The following BRINP3 variants were observed in gnomAD, a reference collection of about 807,000 sequenced individuals.
BRINP3 encodes BMP/retinoic acid inducible neural specific 3.
BRINP3 carries 19 observed loss-of-function variants against 71.0 expected under a neutral mutation model. That is an observed-to-expected ratio of 0.27 (90% confidence interval 0.19 to 0.39). The LOEUF is 0.39. Among genes scored for constraint, BRINP3 ranks in the 10% least tolerant of loss-of-function variants. BRINP3 has a pLI of 1.00. For synonymous variants in BRINP3, 380 were observed against 337.7 expected, an observed-to-expected ratio of 1.13 and a Z score of -1.37; for missense variants, 959 against 940.8, an observed-to-expected ratio of 1.02 and a Z score of -0.25.
At chr1:190,335,113 A>G (rs1010901738) in intron 2 of BRINP3, among the ~76,000 whole-genome samples, 1 of 151,886 alleles carries the variant, frequency 6.6e-6, no homozygotes, top group Non-Finnish European at 1.5e-5. Flanking sequence ...GTACTGGGAA[A>G]GCAGGGAGAA....
chr1:190,306,520 G>T lies in BRINP3; in HGVS notation c.237-24770C>A, dbSNP rs141860837. On this transcript the variant is annotated intron_variant, in intron 2 of 7. Coordinates refer to ENST00000367462, the MANE Select transcript of BRINP3 (RefSeq NM_199051.3). The stretch of plus-strand genomic sequence containing the variant: ...TGTATATTACCTCTTCAAGGTAATA[G>T]AATTATTTGTTGAATTAAAGACTAA... 2.7e-3 allele frequency among the ~76,000 whole-genome samples: 415 copies of T among 151,976 alleles called. 2 individuals carry two copies. Among genetic ancestry groups the T allele is most frequent in the African/African-American group, 9.4e-3 (391 of 41,484 alleles).
At chr1:190,159,216 T>C (rs1285071855) in intron 7 of BRINP3, among the ~76,000 whole-genome samples, 1 of 152,074 alleles carries the variant, frequency 6.6e-6, no homozygotes, top group East Asian at 1.9e-4. Context: ...TGATACAAAA[T>C]CACAAGTGTT....
chr1:190,116,084 G>C (rs547222632), intron 7 of BRINP3, among the ~76,000 whole-genome samples: 1 of 152,110 alleles, frequency 6.6e-6, no homozygotes, highest in Non-Finnish European at 1.5e-5. Context: ...GAGGAAAAAT[G>C]AAGTTGTTTC....
At chr1:190,153,823 C>T (rs954862409) in intron 7 of BRINP3, among the ~76,000 whole-genome samples, 1 of 152,134 alleles carries the variant, frequency 6.6e-6, no homozygotes, top group Non-Finnish European at 1.5e-5. Flanking sequence ...ATCACAACAG[C>T]CTGAGCAACA....
chr1:190,130,405 T>C (rs1205561558), intron 7 of BRINP3, among the ~76,000 whole-genome samples: 1 of 152,024 alleles, frequency 6.6e-6, no homozygotes, highest in Non-Finnish European at 1.5e-5. Context: ...AGATTTCATA[T>C]CTTTAAAACT....
At chr1:190,134,578 A>G (rs1345288465) in intron 7 of BRINP3, among the ~76,000 whole-genome samples, 1 of 152,100 alleles carries the variant, frequency 6.6e-6, no homozygotes, top group Non-Finnish European at 1.5e-5. Flanking sequence ...AATTATTCTG[A>G]GCAGTGATGG....
intron 2 of BRINP3, among the ~76,000 whole-genome samples, chr1:190,329,553 C>T (rs1331743798): frequency 2.0e-5 from 3 of 151,804 alleles, no homozygotes; most frequent in African/African-American, 7.3e-5. Flanking sequence ...AATGAAAAAA[C>T]ATTACATGCT....
chr1:190,194,134 G>C (rs970174015), intron 6 of BRINP3, among the ~76,000 whole-genome samples: 2 of 152,066 alleles, frequency 1.3e-5, no homozygotes. Flanking sequence ...GCTATGAAAA[G>C]TAATCTTATA....
intron 1 of BRINP3, among the ~76,000 whole-genome samples, chr1:190,474,137 C>G (rs1472364918): frequency 6.6e-6 from 1 of 152,116 alleles, no homozygotes; most frequent in Non-Finnish European, 1.5e-5. Flanking sequence ...AACTCTCTAC[C>G]CTTCCCATTT....
intron 4 of BRINP3, among the ~76,000 whole-genome samples, chr1:190,253,806 A>T (rs1297846873): frequency 6.6e-6 from 1 of 152,056 alleles, no homozygotes; most frequent in Non-Finnish European, 1.5e-5. Flanking sequence ...TTTTGTTGCC[A>T]TTGCTTTTGG....
At chr1:190,376,819 C>CTAA (rs1670214773) in intron 2 of BRINP3, among the ~76,000 whole-genome samples, 1 of 151,876 alleles carries the variant, frequency 6.6e-6, no homozygotes, top group Non-Finnish European at 1.5e-5. Context: ...AATAATTTAT[C>CTAA]TTTTTAAAGG....
intron 2 of BRINP3, among the ~76,000 whole-genome samples, chr1:190,334,227 C>A (rs974777742): frequency 6.6e-6 from 1 of 151,710 alleles, no homozygotes; most frequent in Non-Finnish European, 1.5e-5. Context: ...TGATTTCAAT[C>A]TTTTTTCAAG....
chr1:190,232,822 G>A (rs932786146), intron 5 of BRINP3, among the ~76,000 whole-genome samples: 4 of 152,062 alleles, frequency 2.6e-5, no homozygotes, highest in Middle Eastern at 3.2e-3. Flanking sequence ...GTATAAACGT[G>A]CTGTCATTTT....
intron 2 of BRINP3, among the ~76,000 whole-genome samples, chr1:190,399,495 C>T (rs1171185517): frequency 6.6e-6 from 1 of 151,826 alleles, no homozygotes; most frequent in Non-Finnish European, 1.5e-5. Flanking sequence ...ACATAAATAG[C>T]TCTCATTTAG....
chr1:190,155,583 T>C (rs1409078809), intron 7 of BRINP3, among the ~76,000 whole-genome samples: 1 of 152,076 alleles, frequency 6.6e-6, no homozygotes, highest in Non-Finnish European at 1.5e-5. Context: ...GGAATTATAC[T>C]ATGATAGTTT....
intron 1 of BRINP3, among the ~76,000 whole-genome samples, chr1:190,458,983 C>A (rs1382280290): frequency 6.6e-6 from 1 of 151,384 alleles, no homozygotes; most frequent in Non-Finnish European, 1.5e-5. Flanking sequence ...ACATTAAAAA[C>A]AATACAAAAT....
chr1:190,386,963 T>G (rs1054669063), intron 2 of BRINP3, among the ~76,000 whole-genome samples: 8 of 152,028 alleles, frequency 5.3e-5, no homozygotes, highest in African/African-American at 1.9e-4. Context: ...TAAAATTATT[T>G]GCCAACGTTT....
intron 3 of BRINP3, among the ~76,000 whole-genome samples, chr1:190,270,508 G>T (rs919895016): frequency 6.6e-6 from 1 of 151,498 alleles, no homozygotes; most frequent in African/African-American, 2.4e-5. Context: ...GACGAATAAA[G>T]GTACAAAGAA....
intron 7 of BRINP3, among the ~76,000 whole-genome samples, chr1:190,148,684 C>A (rs1034424365): frequency 4.6e-5 from 7 of 151,492 alleles, no homozygotes; most frequent in African/African-American, 1.7e-4. Flanking sequence ...TATAGTACTG[C>A]ATTAGCTTGT....
Sources: allele counts gnomAD v4.1 joint callset (sites outside exome capture counted in the v4.1 genomes callset), GRCh38; gene constraint gnomAD v4.1.1; transcripts MANE v1.5; gene names NCBI Gene and HGNC (gene_info 2026-07-23, HGNC 2026-07-21).